ERICH2: variants seen among roughly 807,000 people sequenced by gnomAD.
The protein encoded by ERICH2 is glutamate-rich protein 2.
In ERICH2, 17 loss-of-function variants were observed where a neutral mutation model predicts 17.4. The ratio of observed to expected loss-of-function variants is 0.98; its 90% CI spans 0.67 to 1.47. The LOEUF (loss-of-function observed/expected upper bound fraction) is 1.47. ERICH2 is among the 40% of genes most tolerant of loss of function. ERICH2 has a pLI of 0.00. For synonymous variants in ERICH2, 51 were observed against 61.1 expected (o/e 0.83, Z 0.77); for missense variants, 186 against 183.2 (o/e 1.01, Z -0.09).
intron 2 of ERICH2, among the ~76,000 whole-genome samples, chr2:170,788,581 C>T (rs999427826): frequency 6.6e-6 from 1 of 152,002 alleles, no homozygotes; most frequent in African/African-American, 2.4e-5. Context: ...AAGCGATTCT[C>T]CTGCCTCAGT....
At chr2:170,784,625 A>G (rs1701108777) in intron 1 of ERICH2, 21 bp from the exon 7 acceptor site, 2 of 1,413,226 alleles carry the variant, frequency 1.4e-6, no homozygotes, top group East Asian at 2.6e-5. Context: ...TTTTGATTAA[A>G]TTAGGTATAT....
chr2:170,786,755 G>C (rs558720920), intron 2 of ERICH2, among the ~76,000 whole-genome samples: 2 of 151,886 alleles, frequency 1.3e-5, no homozygotes, highest in African/African-American at 4.8e-5. Context: ...TTTCTTTGCA[G>C]TTATAATCTG....
At chr2:170,780,095 G>A (rs1236877519), upstream of ERICH2, among the ~76,000 whole-genome samples, 1 of 152,102 alleles carries the variant, frequency 6.6e-6, no homozygotes, top group Non-Finnish European at 1.5e-5. Context: ...TGTCTAACCT[G>A]ATTAACTCTG....
intron 2 of ERICH2, among the ~76,000 whole-genome samples, chr2:170,791,152 C>T (rs1052577141): frequency 7.2e-5 from 11 of 151,908 alleles, no homozygotes; most frequent in Admixed American, 5.2e-4. Flanking sequence ...TTAACCTAGA[C>T]AAGAATAGAT....
intron 1 of ERICH2, chr2:170,783,871 A>G: frequency 1.3e-6 from 2 of 1,550,598 alleles, no homozygotes; most frequent in Non-Finnish European, 1.7e-6. Context: ...AAACAGGTAG[A>G]CAGATGGCCT....
At chr2:170,774,916 G>A in the ERICH2 span, among the ~76,000 whole-genome samples, 1 of 151,948 alleles carries the variant, frequency 6.6e-6, no homozygotes, top group Non-Finnish European at 1.5e-5. Context: ...GCCTCCCAAG[G>A]AATTCAGTGT....
chr2:170,771,262 G>T, the ERICH2 span: 4 of 153,540 alleles, frequency 2.6e-5, no homozygotes, highest in African/African-American at 9.6e-5. This position sits in a 1 kb window ranked among gnomAD's most constrained non-coding sequence, Gnocchi z 4.8. Flanking sequence ...CCCCACAGCA[G>T]ACCACCCCCA....
chr2:170,793,945 G>A (rs1701349314), intron 3 of ERICH2, among the ~76,000 whole-genome samples: 5 of 151,748 alleles, frequency 3.3e-5, no homozygotes. Flanking sequence ...ACCACTTCTA[G>A]TCTATCCTCT....
chr2:170,794,992 T>C (rs1575412015), intron 3 of ERICH2, among the ~76,000 whole-genome samples: 1 of 152,114 alleles, frequency 6.6e-6, no homozygotes, highest in East Asian at 1.9e-4. Flanking sequence ...AAATATAGAA[T>C]TTTTTTTGAG....
At chr2:170,773,882 T>C in the ERICH2 span, among the ~76,000 whole-genome samples, 2 of 152,066 alleles carry the variant, frequency 1.3e-5, no homozygotes, top group Non-Finnish European at 2.9e-5. Flanking sequence ...TACACCACCA[T>C]GCCTGGCTAA....
At chr2:170,783,874 G>A in intron 1 of ERICH2, 1 of 1,550,574 alleles carries the variant, frequency 6.4e-7, no homozygotes, top group South Asian at 1.2e-5. Context: ...CAGGTAGACA[G>A]ATGGCCTGAA....
At chr2:170,784,967 C>A (rs1701122656) in intron 2 of ERICH2, 134 bp downstream of exon 7, 1 of 701,806 alleles carries the variant, frequency 1.4e-6, no homozygotes, top group Non-Finnish European at 2.1e-6. Context: ...TGGTGGTTAC[C>A]AGAAGCTGGA....
intron 1 of ERICH2, chr2:170,783,879 C>G (rs1469871148): frequency 6.4e-7 from 1 of 1,550,476 alleles, no homozygotes; most frequent in Admixed American, 2.0e-5. Flanking sequence ...AGACAGATGG[C>G]CTGAATAACA....
intron 2 of ERICH2, among the ~76,000 whole-genome samples, chr2:170,790,971 A>C (rs571775006): frequency 6.6e-6 from 1 of 152,262 alleles, no homozygotes; most frequent in African/African-American, 2.4e-5. Context: ...GAAACTAGAA[A>C]AATAAAATAA....
intron 2 of ERICH2, among the ~76,000 whole-genome samples, chr2:170,790,584 G>A (rs1018497240): frequency 4.0e-5 from 6 of 150,058 alleles, no homozygotes; most frequent in South Asian, 2.1e-4. Context: ...CCGAGATGGC[G>A]CCACTGCACT....
upstream of ERICH2, chr2:170,782,441 C>G: frequency 1.1e-6 from 1 of 902,328 alleles, no homozygotes; most frequent in Non-Finnish European, 1.3e-6. Context: ...TAATTGAACC[C>G]TCCTTTTCTG....
chr2:170,776,737 G>C, the ERICH2 span, among the ~76,000 whole-genome samples: 6 of 151,404 alleles, frequency 4.0e-5, no homozygotes, highest in African/African-American at 9.7e-5. Flanking sequence ...GATAAGTTAT[G>C]TAAAACCAAA....
the ERICH2 span, among the ~76,000 whole-genome samples, chr2:170,778,350 G>C: frequency 2.0e-5 from 3 of 152,068 alleles, no homozygotes; most frequent in Admixed American, 6.5e-5. Flanking sequence ...CATTTGTGGG[G>C]ATTACTGACA....
chr2:170,770,848 C>T, the ERICH2 span: 1 of 148,122 alleles, frequency 6.8e-6, no homozygotes. Flanking sequence ...GCCCCGCCCC[C>T]CCGGACCCGC....
Sources: allele counts gnomAD v4.1 joint callset (sites outside exome capture counted in the v4.1 genomes callset), GRCh38; gene constraint gnomAD v4.1.1; non-coding constraint Gnocchi (gnomAD v3.1); transcripts MANE v1.5; gene names NCBI Gene and HGNC (gene_info 2026-07-23, HGNC 2026-07-21).